Variants in PDZD2 observed in about 807,000 individuals in gnomAD.
PDZD2 encodes the protein PDZ domain containing 2.
PDZD2 carries 90 observed loss-of-function variants against 220.7 expected under a neutral mutation model. That is an observed-to-expected ratio of 0.41 (90% CI 0.34 to 0.49). The LOEUF (loss-of-function observed/expected upper bound fraction) is 0.49, where lower values mean the gene tolerates loss of function less well. Among genes scored for constraint, PDZD2 ranks in the 20% least tolerant of loss-of-function variants. The pLI is 0.28. For missense variants in PDZD2, 3,174 were observed against 3,608.5 expected, an observed-to-expected ratio of 0.88 and a Z score of 3.08; for synonymous variants, 1,375 against 1,450.5, an observed-to-expected ratio of 0.95 and a Z score of 1.18.
At chr5:31,699,881 G>A (rs1032637461) in intron 1 of PDZD2, among the ~76,000 whole-genome samples, 8 of 151,254 alleles carry the variant, frequency 5.3e-5, no homozygotes, top group African/African-American at 1.7e-4. Context: ...ATGAGCCACC[G>A]CACTTGGCCC....
chr5:31,821,808 C>T (rs1193782177), intron 2 of PDZD2, among the ~76,000 whole-genome samples: 2 of 151,742 alleles, frequency 1.3e-5, no homozygotes, highest in Non-Finnish European at 2.9e-5. Context: ...TTAAGCCCCA[C>T]ATGCATTAGC....
chr5:32,045,346 T>C (rs1356766791), intron 7 of PDZD2, among the ~76,000 whole-genome samples: 2 of 152,192 alleles, frequency 1.3e-5, no homozygotes, highest in Non-Finnish European at 2.9e-5. Flanking sequence ...TTCATACCCC[T>C]TTTTTGTCAG....
rs78700871 is a variant in PDZD2, at chr5:31,923,960, G to A, written c.477-59195G>A. On this transcript the variant is annotated intron_variant, in intron 2 of 24. Transcript: ENST00000438447. ...CCACCTGGGCTGCACCTCCACACTCGGTGGCGTTAAGATGCACCACACTCA... is the reference window on the plus strand; with the variant it reads ...CCACCTGGGCTGCACCTCCACACTCAGTGGCGTTAAGATGCACCACACTCA... Among the ~76,000 whole-genome samples, 1,011 of 152,186 alleles carry A rather than the reference G, an allele frequency of 6.6e-3. 24 individuals carry two copies. The highest frequency in any genetic ancestry group is 0.034 in the Admixed American group (517 of 15,292).
At chr5:31,783,385 G>A (rs962136330) in intron 1 of PDZD2, among the ~76,000 whole-genome samples, 14 of 152,196 alleles carry the variant, frequency 9.2e-5, no homozygotes, top group Non-Finnish European at 2.1e-4. Flanking sequence ...ACCTGAGCTT[G>A]CCAGGCAGGG....
chr5:32,051,705 C>T (rs112674326), intron 8 of PDZD2, among the ~76,000 whole-genome samples: 4 of 152,118 alleles, frequency 2.6e-5, no homozygotes, highest in Non-Finnish European at 4.4e-5. Context: ...GGAGCTGCTG[C>T]GTGTCAGGAA....
intron 1 of PDZD2, among the ~76,000 whole-genome samples, chr5:31,786,336 A>C (rs1753377378): frequency 6.6e-6 from 1 of 152,176 alleles, no homozygotes; most frequent in South Asian, 2.1e-4. Context: ...GTGGGGCCTC[A>C]GTGGAAACCC....
intron 2 of PDZD2, among the ~76,000 whole-genome samples, chr5:31,907,255 C>T (rs1742739574): frequency 6.6e-6 from 1 of 152,224 alleles, no homozygotes; most frequent in East Asian, 1.9e-4. Context: ...TGGTTGGTTT[C>T]TGGTGAGGGC....
chr5:31,836,195 G>C (rs1580855277), intron 2 of PDZD2, among the ~76,000 whole-genome samples: 2 of 142,646 alleles, frequency 1.4e-5, no homozygotes, highest in African/African-American at 5.1e-5. Context: ...TTGTTTCAAT[G>C]TTTTCTCTAT....
intron 1 of PDZD2, among the ~76,000 whole-genome samples, chr5:31,669,629 G>A (rs184769262): frequency 5.6e-4 from 85 of 152,262 alleles, no homozygotes; most frequent in African/African-American, 2.0e-3. Flanking sequence ...CACATAGATT[G>A]AATGGCTTTC....
At chr5:31,689,353 A>ATTTT (rs1160111594) in intron 1 of PDZD2, among the ~76,000 whole-genome samples, 6 of 35,140 alleles carry the variant, frequency 1.7e-4, no homozygotes, top group Admixed American at 5.1e-4. Flanking sequence ...ATATATATAT[A>ATTTT]TTTTTTTTTT....
intron 1 of PDZD2, among the ~76,000 whole-genome samples, chr5:31,695,866 T>C (rs964061560): frequency 1.3e-5 from 2 of 152,152 alleles, no homozygotes; most frequent in African/African-American, 4.8e-5. Flanking sequence ...GGGAAGGGTG[T>C]CTGTTTTTCT....
intron 1 of PDZD2, among the ~76,000 whole-genome samples, chr5:31,670,520 G>A (rs994005993): frequency 1.9e-4 from 29 of 152,060 alleles, no homozygotes; most frequent in African/African-American, 6.8e-4. Context: ...GGGTTCAAAC[G>A]ATGCTCCTGC....
At chr5:31,862,841 C>T (rs1417304733) in intron 2 of PDZD2, among the ~76,000 whole-genome samples, 1 of 152,212 alleles carries the variant, frequency 6.6e-6, no homozygotes, top group African/African-American at 2.4e-5. Context: ...ATTCTTCTGC[C>T]TCAGCCTCCT....
Position 31,877,083 on chromosome 5 carries a change from A to T in PDZD2, c.476+77359A>T, listed in dbSNP as rs544793125. On this transcript the variant is annotated intron_variant, in intron 2 of 24. Transcript: ENST00000438447. ...GTGTCCTGCCTGGTTTAAGCTGCTGATAAATGATGATTGTTACTCTATAAT... is the reference window on the plus strand; with the variant it reads ...GTGTCCTGCCTGGTTTAAGCTGCTGTTAAATGATGATTGTTACTCTATAAT... 4.6e-5 allele frequency among the ~76,000 whole-genome samples: 7 copies of T among 152,354 alleles called. No individual in the cohort carries two copies. In the East Asian group the frequency reaches 9.6e-4, roughly 21 times the overall value.
intron 2 of PDZD2, chr5:31,844,047 A>C (rs1757464750): frequency 6.6e-6 from 1 of 152,174 alleles, no homozygotes; most frequent in African/African-American, 2.4e-5. Context: ...TGGAATAATT[A>C]GGAAGGGGCA....
At chr5:31,817,596 G>A (rs1340210868) in intron 2 of PDZD2, among the ~76,000 whole-genome samples, 3 of 152,262 alleles carry the variant, frequency 2.0e-5, no homozygotes, top group African/African-American at 7.2e-5. Flanking sequence ...AAATCTTGAA[G>A]TATATTTAAC....
intron 3 of PDZD2, among the ~76,000 whole-genome samples, chr5:31,992,056 C>CA (rs960475549): frequency 3.4e-4 from 52 of 151,934 alleles, no homozygotes; most frequent in African/African-American, 1.2e-3. Context: ...AAAACAACAA[C>CA]AAAAAAAACT....
At chr5:31,964,778 C>T (rs1014454259) in intron 2 of PDZD2, among the ~76,000 whole-genome samples, 3 of 152,178 alleles carry the variant, frequency 2.0e-5, no homozygotes, top group Admixed American at 2.0e-4. Flanking sequence ...GGCAGCGGCG[C>T]GATCTCGGCT....
At chr5:31,827,935 A>G (rs995015599) in intron 2 of PDZD2, among the ~76,000 whole-genome samples, 2 of 152,152 alleles carry the variant, frequency 1.3e-5, no homozygotes, top group Non-Finnish European at 2.9e-5. Context: ...TTCTGTTCCT[A>G]TAGATTTACC....
Sources: gnomAD v4.1 joint callset for allele counts (sites outside exome capture counted in the v4.1 genomes callset) on GRCh38, gnomAD v4.1.1 for gene constraint, MANE v1.5 for transcripts, NCBI Gene and HGNC (gene_info 2026-07-23, HGNC 2026-07-21) for gene names.